Variants in CLSTN2 observed in about 807,000 individuals in gnomAD.
CLSTN2 encodes the protein calsyntenin-2.
A neutral mutation model predicts 101.2 loss-of-function variants in CLSTN2; 48 were observed. The observed-to-expected ratio is 0.47, with a 90% CI of 0.38 to 0.60. The LOEUF is 0.60. Among genes scored for constraint, CLSTN2 ranks in the 20% least tolerant of loss-of-function variants. The pLI is 0.00. For synonymous variants in CLSTN2, 481 were observed against 463.6 expected, an observed-to-expected ratio of 1.04 and a Z score of -0.48; for missense variants, 1,160 against 1,238.2, an observed-to-expected ratio of 0.94 and a Z score of 0.95.
Position 140,041,062 on chromosome 3 carries a change from G to A in CLSTN2, c.109+105579G>A, listed in dbSNP as rs1048565027. 6.6e-5 allele frequency among the ~76,000 whole-genome samples: 10 copies of A among 152,270 alleles called. No individual in the cohort carries two copies. In the South Asian group the frequency reaches 1.7e-3, roughly 25 times the overall value. On this transcript the variant is annotated intron_variant, in intron 1 of 16. Coordinates refer to ENST00000458420, the MANE Select transcript of CLSTN2 (RefSeq NM_022131.3). ...ATAAAGATTGGAGATATCTTTCACC[G>A]GAGCTTCTGTGAGCTCTCCCTGCAG...
chr3:140,296,683 A>T (rs2087007373), intron 2 of CLSTN2, among the ~76,000 whole-genome samples: 1 of 152,182 alleles, frequency 6.6e-6, no homozygotes, highest in Non-Finnish European at 1.5e-5. Flanking sequence ...GTATTTGCCT[A>T]AGTTAGTTTT....
intron 2 of CLSTN2, among the ~76,000 whole-genome samples, chr3:140,282,414 G>A (rs561705163): frequency 5.3e-5 from 8 of 152,106 alleles, no homozygotes; most frequent in Non-Finnish European, 1.0e-4. Context: ...AGAGCATGAG[G>A]CGCCCAGAAA....
intron 8 of CLSTN2, chr3:140,505,759 C>T (rs1188501666): frequency 6.6e-6 from 1 of 152,172 alleles, no homozygotes; most frequent in Non-Finnish European, 1.5e-5. Context: ...CACCTCTGTT[C>T]TCCTAGAGAC....
chr3:140,565,773 A>G (rs1936014103), intron 16 of CLSTN2, among the ~76,000 whole-genome samples: 1 of 152,208 alleles, frequency 6.6e-6, no homozygotes, highest in Non-Finnish European at 1.5e-5. Flanking sequence ...GATGGATAGG[A>G]TTGGCTAAAA....
At chr3:140,265,291 A>G (rs370805411) in intron 2 of CLSTN2, among the ~76,000 whole-genome samples, 145 of 152,266 alleles carry the variant, frequency 9.5e-4, no homozygotes, top group African/African-American at 3.4e-3. Flanking sequence ...GGTGTTCTCT[A>G]CTGGCAATGC....
intron 4 of CLSTN2, among the ~76,000 whole-genome samples, chr3:140,419,249 G>C (rs1223842254): frequency 6.6e-6 from 1 of 150,918 alleles, no homozygotes; most frequent in African/African-American, 2.4e-5. Flanking sequence ...TTGGGAGGAT[G>C]AGGCAGGTGG....
At chr3:140,137,707 C>T (rs187990075) in intron 1 of CLSTN2, among the ~76,000 whole-genome samples, 135 of 152,248 alleles carry the variant, frequency 8.9e-4, no homozygotes, top group Non-Finnish European at 6.6e-4. Flanking sequence ...AATGCTTTGC[C>T]GTTTACAAAG....
chr3:140,504,063 G>C (rs1021103553), intron 8 of CLSTN2, among the ~76,000 whole-genome samples: 1 of 152,178 alleles, frequency 6.6e-6, no homozygotes, highest in Non-Finnish European at 1.5e-5. Flanking sequence ...ATAGTCTTCA[G>C]TCTGAGCACC....
In CLSTN2 at chr3:139,935,234, G is replaced by T. The variant is rs917879920; in HGVS notation, c.-141G>T. ...GCTAGCGGCGCAGCGGCGGGAACCC[G>T]AGGCCGAGCGCCGCGGCGGCAGCGC... On this transcript the variant is annotated 5_prime_UTR_variant, in exon 1 of 17. Transcript: ENST00000458420. The surrounding 1 kb of genome is among the most constrained non-coding windows in gnomAD (Gnocchi z 5.5). The T allele has an allele frequency of 2.6e-5, 10 of 380,468 alleles. No individual in the cohort carries two copies. The highest frequency in any genetic ancestry group is 3.6e-5 in the Non-Finnish European group (8 of 224,040). The allele number at this position is 380,468 out of a possible 1,614,324, so 23.6% of individuals were successfully genotyped here.
intron 8 of CLSTN2, among the ~76,000 whole-genome samples, chr3:140,513,583 C>CTTCTTT (rs374321434): frequency 7.0e-4 from 82 of 117,720 alleles, no homozygotes; most frequent in Non-Finnish European, 1.1e-3. Context: ...TTTTTTCTTT[C>CTTCTTT]TTTTTTTTTT....
chr3:140,195,711 A>G (rs951123867), intron 2 of CLSTN2, among the ~76,000 whole-genome samples: 2 of 152,206 alleles, frequency 1.3e-5, no homozygotes, highest in African/African-American at 4.8e-5. Flanking sequence ...AAAAGAGTTT[A>G]CAGATTAAAC....
At chr3:140,063,573 G>A (rs574722898) in intron 1 of CLSTN2, among the ~76,000 whole-genome samples, 35 of 152,330 alleles carry the variant, frequency 2.3e-4, no homozygotes, top group African/African-American at 8.2e-4. Flanking sequence ...AGAAGTGCAT[G>A]TGGACAGAGT....
chr3:139,960,775 T>C (rs1935494927), intron 1 of CLSTN2, among the ~76,000 whole-genome samples: 1 of 152,162 alleles, frequency 6.6e-6, no homozygotes, highest in Admixed American at 6.5e-5. Flanking sequence ...GCTTCATACT[T>C]GGGGGCTGGG....
intron 2 of CLSTN2, among the ~76,000 whole-genome samples, chr3:140,212,511 C>A (rs369195496): frequency 2.0e-5 from 3 of 152,136 alleles, no homozygotes; most frequent in Admixed American, 6.5e-5. Context: ...TGAGAACCAC[C>A]CAAAGCCTCT....
intron 5 of CLSTN2, among the ~76,000 whole-genome samples, chr3:140,429,206 T>C (rs1469696032): frequency 1.3e-5 from 2 of 152,152 alleles, no homozygotes; most frequent in South Asian, 2.1e-4. Flanking sequence ...ATATTTTTTT[T>C]TGGAGTGAAT....
chr3:140,454,600 A>G (rs1025232828), intron 6 of CLSTN2: 5 of 152,230 alleles, frequency 3.3e-5, no homozygotes, highest in Admixed American at 3.3e-4. Flanking sequence ...CTGTAGTAAC[A>G]ACTGACCGCA....
intron 1 of CLSTN2, among the ~76,000 whole-genome samples, chr3:140,001,033 A>G (rs2006824373): frequency 6.6e-6 from 1 of 152,104 alleles, no homozygotes; most frequent in Non-Finnish European, 1.5e-5. Context: ...AACTTACCTC[A>G]CTTTTAAAAA....
At chr3:140,028,685 G>T (rs2007474350) in intron 1 of CLSTN2, among the ~76,000 whole-genome samples, 1 of 152,220 alleles carries the variant, frequency 6.6e-6, no homozygotes, top group South Asian at 2.1e-4. Flanking sequence ...ACTGTGGGGT[G>T]AGAATCCCCG....
At chr3:140,463,564 T>A (rs1933614853) in intron 7 of CLSTN2, among the ~76,000 whole-genome samples, 1 of 152,194 alleles carries the variant, frequency 6.6e-6, no homozygotes, top group Non-Finnish European at 1.5e-5. Context: ...CACTCTTAAG[T>A]CTGCTCCAGG....
Sources: allele counts gnomAD v4.1 joint callset (sites outside exome capture counted in the v4.1 genomes callset), GRCh38; gene constraint gnomAD v4.1.1; non-coding constraint Gnocchi (gnomAD v3.1); transcripts MANE v1.5; gene names NCBI Gene and HGNC (gene_info 2026-07-23, HGNC 2026-07-21).